OLFM2: variants seen among roughly 807,000 people sequenced by gnomAD.
The protein encoded by OLFM2 is olfactomedin 2.
Under a neutral mutation model 43.9 loss-of-function variants are expected in OLFM2, and 20 were observed. The ratio of observed to expected loss-of-function variants is 0.46; its 90% CI spans 0.32 to 0.66. The LOEUF is 0.66. Ranked by LOEUF, OLFM2 falls within the 30% of genes least tolerant of loss-of-function variation. OLFM2 has a pLI of 0.04. For missense variants in OLFM2, 416 were observed against 643.6 expected, an observed-to-expected ratio of 0.65 and a Z score of 3.83; for synonymous variants, 268 against 278.6, an observed-to-expected ratio of 0.96 and a Z score of 0.38.
intron 1 of OLFM2, among the ~76,000 whole-genome samples, chr19:9,861,228 TTTG>T (rs1599466191): frequency 2.0e-5 from 3 of 151,788 alleles, no homozygotes; most frequent in Admixed American, 1.3e-4. Context: ...TGGTTTGTTT[TTTG>T]TTGTTGTTTG....
chr19:9,868,676 C>T (rs1225988310), intron 1 of OLFM2, among the ~76,000 whole-genome samples: 2 of 152,118 alleles, frequency 1.3e-5, no homozygotes, highest in South Asian at 2.1e-4. Flanking sequence ...TGCAGTGGCT[C>T]ACGCTTGTAA....
intron 1 of OLFM2, among the ~76,000 whole-genome samples, chr19:9,901,560 T>C (rs1472240101): frequency 6.6e-6 from 1 of 152,240 alleles, no homozygotes; most frequent in Non-Finnish European, 1.5e-5. Context: ...GACACCCACC[T>C]GACTCTGAAC....
At chr19:9,915,671 C>T (rs538422127) in intron 1 of OLFM2, among the ~76,000 whole-genome samples, 105 of 152,160 alleles carry the variant, frequency 6.9e-4, no homozygotes, top group South Asian at 5.2e-3. Context: ...GCACCCACCA[C>T]CACGCCCGGC....
At chr19:9,870,626 G>A (rs1054459808) in intron 1 of OLFM2, among the ~76,000 whole-genome samples, 2 of 152,004 alleles carry the variant, frequency 1.3e-5, no homozygotes, top group African/African-American at 4.8e-5. Context: ...TCATCTCCAG[G>A]CCTTTGCACG....
At chr19:9,887,889 C>T (rs748536268) in intron 1 of OLFM2, among the ~76,000 whole-genome samples, 4 of 152,002 alleles carry the variant, frequency 2.6e-5, no homozygotes, top group Non-Finnish European at 5.9e-5. Flanking sequence ...AAAAATAAGC[C>T]GGAAGTGGTG....
At chr19:9,866,051 G>A (rs978247767) in intron 1 of OLFM2, among the ~76,000 whole-genome samples, 2 of 152,182 alleles carry the variant, frequency 1.3e-5, no homozygotes, top group Non-Finnish European at 2.9e-5. Context: ...AATTGTAAAA[G>A]AGAAGCAAGA....
intron 1 of OLFM2, among the ~76,000 whole-genome samples, chr19:9,921,634 G>A (rs1020474472): frequency 4.0e-5 from 6 of 151,818 alleles, no homozygotes; most frequent in African/African-American, 9.7e-5. Flanking sequence ...GACTACAGGC[G>A]CCCGCCACCA....
intron 1 of OLFM2, among the ~76,000 whole-genome samples, chr19:9,883,532 C>A (rs1417623215): frequency 6.6e-6 from 1 of 152,106 alleles, no homozygotes; most frequent in Non-Finnish European, 1.5e-5. Flanking sequence ...GTCAAAGCTG[C>A]CGGAGAGAGG....
At chr19:9,922,324 C>T (rs1303930301) in intron 1 of OLFM2, among the ~76,000 whole-genome samples, 2 of 152,030 alleles carry the variant, frequency 1.3e-5, no homozygotes, top group African/African-American at 4.8e-5. Context: ...AAAAACCAGA[C>T]ATCTGAACAG....
intron 1 of OLFM2, among the ~76,000 whole-genome samples, chr19:9,867,032 G>T (rs1182034212): frequency 2.0e-5 from 3 of 152,152 alleles, no homozygotes; most frequent in Admixed American, 2.0e-4. Context: ...TCGGGCCAGG[G>T]ATCATCATCT....
chr19:9,931,916 CCT>C (rs141473420), intron 1 of OLFM2, among the ~76,000 whole-genome samples: 150 of 152,056 alleles, frequency 9.9e-4, no homozygotes, highest in African/African-American at 3.6e-3. Context: ...CGAGTGTTCC[CCT>C]GACACTCTCT....
intron 1 of OLFM2, among the ~76,000 whole-genome samples, chr19:9,873,653 G>T (rs1439924824): frequency 6.6e-6 from 1 of 151,638 alleles, no homozygotes; most frequent in South Asian, 2.1e-4. Context: ...TTTGAGATAG[G>T]GTCTTGCTCT....
At chr19:9,861,574 T>C (rs1460969163) in intron 1 of OLFM2, among the ~76,000 whole-genome samples, 1 of 152,202 alleles carries the variant, frequency 6.6e-6, no homozygotes. Context: ...TGACCAATTA[T>C]GGCTTTGTTT....
chr19:9,919,573 CT>C (rs2086407153), intron 1 of OLFM2, among the ~76,000 whole-genome samples: 1 of 152,100 alleles, frequency 6.6e-6, no homozygotes, highest in African/African-American at 2.4e-5. Context: ...ACCTTCCCCT[CT>C]GGGTTCAAGT....
At chr19:9,913,696 C>A in intron 1 of OLFM2, 1 of 1,075,374 alleles carries the variant, frequency 9.3e-7, no homozygotes, top group Non-Finnish European at 1.1e-6. Flanking sequence ...GGTCCCTCGA[C>A]ACCCAGGCGC....
intron 1 of OLFM2, among the ~76,000 whole-genome samples, chr19:9,935,297 C>A (rs1347386008): frequency 6.6e-6 from 1 of 152,146 alleles, no homozygotes; most frequent in East Asian, 1.9e-4. Context: ...TGAACTCCTA[C>A]AGATCTGAGA....
intron 1 of OLFM2, among the ~76,000 whole-genome samples, chr19:9,931,156 T>C (rs1284102564): frequency 6.6e-6 from 1 of 152,250 alleles, no homozygotes; most frequent in Non-Finnish European, 1.5e-5. Flanking sequence ...GACATTTACA[T>C]GCTCTAAAGG....
intron 2 of OLFM2, among the ~76,000 whole-genome samples, chr19:9,859,394 G>A (rs1599464944): frequency 1.3e-5 from 2 of 152,076 alleles, no homozygotes; most frequent in Admixed American, 6.6e-5. Context: ...TCAGCTCACT[G>A]CAACCTCCAC....
chr19:9,856,875 C>T lies in OLFM2; in HGVS notation c.619G>A (p.Val207Ile), dbSNP rs1207350566. 3.3e-5 allele frequency: 53 copies of T among 1,612,988 alleles called. No homozygotes were observed. Among genetic ancestry groups the T allele is most frequent in the Middle Eastern group, 1.7e-4 (1 of 6,048 alleles). ...CCGAAGCGGGACCCCATGGCCCGAA[C>T]GGTGATGGGGTTACTGACCCCGGTC... ...KLTGVSNPIT[V>I]RAMGSRFGSW... Residue 207 changes from valine (V) to isoleucine (I), a missense_variant, in exon 5 of 6, where the codon GTT (valine) becomes ATT (isoleucine). Val to Ile is a conservative substitution (Grantham distance 29). Coordinates refer to ENST00000264833, the MANE Select transcript of OLFM2 (RefSeq NM_058164.4). The surrounding 1 kb of genome is among the most constrained non-coding windows in gnomAD (Gnocchi z 4.0).
Sources: allele counts gnomAD v4.1 joint callset (sites outside exome capture counted in the v4.1 genomes callset), GRCh38; gene constraint gnomAD v4.1.1; non-coding constraint Gnocchi (gnomAD v3.1); transcripts MANE v1.5; gene names NCBI Gene and HGNC (gene_info 2026-07-23, HGNC 2026-07-21).